Variants in AUH observed in about 807,000 individuals in gnomAD.
The protein encoded by AUH is AU RNA binding methylglutaconyl-CoA hydratase, also known as methylglutaconyl-CoA hydratase, mitochondrial.
Under a neutral mutation model 42.3 loss-of-function variants are expected in AUH, and 29 were observed. That is an observed-to-expected ratio of 0.69 (90% CI 0.51 to 0.93). The LOEUF (loss-of-function observed/expected upper bound fraction) is 0.93. AUH is among the 40% of genes least tolerant of loss of function. The probability of loss-of-function intolerance (pLI) is 0.00; values close to 1 mark genes in which losing one functional copy is unlikely to be tolerated. For missense variants in AUH, 452 were observed against 438.1 expected (o/e 1.03, Z -0.28); for synonymous variants, 174 against 166.4 (o/e 1.05, Z -0.35).
intron 3 of AUH, among the ~76,000 whole-genome samples, chr9:91,336,579 G>A (rs982072751): frequency 5.3e-5 from 8 of 151,186 alleles, no homozygotes; most frequent in East Asian, 3.9e-4. Context: ...GCAGTGAGCC[G>A]TGATTGCACC....
chr9:91,230,572 T>C (rs533385768), intron 6 of AUH, among the ~76,000 whole-genome samples: 1,887 of 152,370 alleles, frequency 0.012, 24 homozygotes, highest in Non-Finnish European at 0.021. Context: ...TCATTCTCCG[T>C]CCAGCTTTGT....
chr9:91,275,284 C>G (rs79017696), intron 6 of AUH, among the ~76,000 whole-genome samples: 1 of 152,180 alleles, frequency 6.6e-6, no homozygotes, highest in Non-Finnish European at 1.5e-5. Flanking sequence ...CAAATCACCA[C>G]GGAGCAACAG....
chr9:91,248,325 G>A (rs544584120), intron 6 of AUH, among the ~76,000 whole-genome samples: 10 of 152,110 alleles, frequency 6.6e-5, no homozygotes, highest in Admixed American at 2.0e-4. Flanking sequence ...TGTATTATGT[G>A]TTATTTTTGT....
intron 6 of AUH, among the ~76,000 whole-genome samples, chr9:91,225,161 T>C (rs1210636613): frequency 1.3e-5 from 2 of 152,188 alleles, no homozygotes; most frequent in Admixed American, 6.5e-5. Flanking sequence ...GGAAGTCAAA[T>C]AGTGCAGAAA....
chr9:91,320,705 G>A lies in AUH; in HGVS notation c.505+4613C>T, dbSNP rs560895730. On this transcript the variant is annotated intron_variant, in intron 4 of 9. Transcript: ENST00000375731. ...TCTTTTAACATAACTTAATTCCACC[G>A]TGGACAGAAAATATGGTCTCTATAC... Among the ~76,000 whole-genome samples the A allele has an allele frequency of 1.1e-4, 17 of 152,204 alleles. No individual in the cohort carries two copies. In the South Asian group the frequency reaches 3.3e-3, roughly 30 times the overall value.
chr9:91,323,843 T>C (rs1257803380), intron 4 of AUH, among the ~76,000 whole-genome samples: 1 of 152,112 alleles, frequency 6.6e-6, no homozygotes, highest in Non-Finnish European at 1.5e-5. Flanking sequence ...ACACTATGGA[T>C]AGAAAGATTT....
At chr9:91,354,993 A>C (rs75120664) in intron 3 of AUH, among the ~76,000 whole-genome samples, 16,980 of 152,180 alleles carry the variant, frequency 0.11, 1,057 homozygotes, top group African/African-American at 0.16. Flanking sequence ...AGTATTACTC[A>C]CATTTGACAA....
At chr9:91,299,681 A>G (rs79160256) in intron 4 of AUH, among the ~76,000 whole-genome samples, 10,948 of 152,308 alleles carry the variant, frequency 0.072, 687 homozygotes, top group East Asian at 0.26. Context: ...TGGAAAAAAG[A>G]AAAGAAAAAT....
chr9:91,235,301 G>GGA (rs917864274), intron 6 of AUH, among the ~76,000 whole-genome samples: 1 of 152,136 alleles, frequency 6.6e-6, no homozygotes, highest in Non-Finnish European at 1.5e-5. Flanking sequence ...CGCAAGGTAG[G>GGA]GAGAGAGATG....
chr9:91,354,614 G>C (rs1361601124), intron 3 of AUH, among the ~76,000 whole-genome samples: 1 of 152,120 alleles, frequency 6.6e-6, no homozygotes, highest in East Asian at 1.9e-4. Flanking sequence ...AGTAACTATA[G>C]TGCAATAATT....
intron 6 of AUH, among the ~76,000 whole-genome samples, chr9:91,287,871 A>G (rs1826540316): frequency 6.6e-6 from 1 of 152,148 alleles, no homozygotes; most frequent in Non-Finnish European, 1.5e-5. Flanking sequence ...CTTGATTCTT[A>G]GAAAACGTAT....
chr9:91,240,050 C>T (rs1002878650), intron 6 of AUH, among the ~76,000 whole-genome samples: 2 of 152,230 alleles, frequency 1.3e-5, no homozygotes, highest in Non-Finnish European at 1.5e-5. Flanking sequence ...GAGAAACATA[C>T]ACACCCAAGT....
At chr9:91,284,780 A>G (rs1414313154) in intron 6 of AUH, among the ~76,000 whole-genome samples, 2 of 152,132 alleles carry the variant, frequency 1.3e-5, no homozygotes, top group Non-Finnish European at 2.9e-5. Flanking sequence ...ACACCAGTTA[A>G]CATGGTGATT....
intron 3 of AUH, among the ~76,000 whole-genome samples, chr9:91,346,471 A>C (rs546846258): frequency 1.3e-5 from 2 of 152,270 alleles, no homozygotes; most frequent in South Asian, 4.1e-4. Context: ...TACCTCCTCC[A>C]CTTGACTGTT....
At chr9:91,232,647 T>A (rs1442256722) in intron 6 of AUH, among the ~76,000 whole-genome samples, 1 of 152,234 alleles carries the variant, frequency 6.6e-6, no homozygotes, top group East Asian at 1.9e-4. Flanking sequence ...ATTACTATGC[T>A]ATGAAGAAAG....
chr9:91,339,681 A>G (rs1184234591), intron 3 of AUH, among the ~76,000 whole-genome samples: 1 of 152,216 alleles, frequency 6.6e-6, no homozygotes, highest in Admixed American at 6.5e-5. Flanking sequence ...TGGTTCTTCA[A>G]TACCATTCCC....
At chr9:91,233,425 C>G (rs1828001620) in intron 6 of AUH, among the ~76,000 whole-genome samples, 1 of 152,066 alleles carries the variant, frequency 6.6e-6, no homozygotes, top group Admixed American at 6.6e-5. Flanking sequence ...CCCAAAAGGA[C>G]CTGGGGTTTA....
intron 6 of AUH, among the ~76,000 whole-genome samples, chr9:91,244,815 C>T (rs1051006763): frequency 1.3e-5 from 2 of 152,078 alleles, no homozygotes; most frequent in Non-Finnish European, 2.9e-5. Flanking sequence ...TGTCACTGTA[C>T]AAAATATGGT....
chr9:91,304,049 TCCAAAAG>T (rs1828027432), intron 4 of AUH, among the ~76,000 whole-genome samples: 1 of 152,038 alleles, frequency 6.6e-6, no homozygotes. Context: ...GGAACACATA[TCCAAAAG>T]CCAAAAGTAA....
Sources: allele counts gnomAD v4.1 joint callset (sites outside exome capture counted in the v4.1 genomes callset), GRCh38; gene constraint gnomAD v4.1.1; transcripts MANE v1.5; gene names NCBI Gene and HGNC (gene_info 2026-07-23, HGNC 2026-07-21).